LGR6: variants seen among roughly 807,000 people sequenced by gnomAD.
The protein encoded by LGR6 is leucine-rich repeat-containing G protein-coupled receptor 6.
A neutral mutation model predicts 69.4 loss-of-function variants in LGR6; 45 were observed. The observed-to-expected ratio is 0.65, with a 90% CI of 0.51 to 0.83. The LOEUF (loss-of-function observed/expected upper bound fraction) is 0.83. LGR6 is among the 40% of genes least tolerant of loss of function. The pLI, the probability that LGR6 is intolerant of heterozygous loss-of-function variation, is 0.00. For missense variants in LGR6, 1,108 were observed against 1,246.7 expected (o/e 0.89, Z 1.68); for synonymous variants, 538 against 555.0 (o/e 0.97, Z 0.43).
At chr1:202,197,343 G>A (rs1309190752) in intron 1 of LGR6, 6 of 521,332 alleles carry the variant, frequency 1.2e-5, no homozygotes, top group East Asian at 1.1e-4. Flanking sequence ...ACCACTTTTG[G>A]GCTCAATGCC....
chr1:202,228,141 T>C, intron 3 of LGR6, 134 bp downstream of exon 3: 1 of 610,856 alleles, frequency 1.6e-6, no homozygotes. Context: ...TCAGTTTCAA[T>C]TGTTATTTCC....
intron 3 of LGR6, among the ~76,000 whole-genome samples, chr1:202,229,705 G>A (rs1013789972): frequency 6.6e-6 from 1 of 152,222 alleles, no homozygotes; most frequent in Non-Finnish European, 1.5e-5. Context: ...GTTGTGGGCA[G>A]AAGTTGAGTG....
chr1:202,198,564 A>G (rs1294031957), intron 1 of LGR6, among the ~76,000 whole-genome samples: 2 of 151,974 alleles, frequency 1.3e-5, no homozygotes, highest in African/African-American at 4.8e-5. Context: ...GTCCTGTTCT[A>G]TGAAAGGCAT....
chr1:202,211,197 T>C (rs1659450077), intron 1 of LGR6, among the ~76,000 whole-genome samples: 1 of 152,162 alleles, frequency 6.6e-6, no homozygotes, highest in South Asian at 2.1e-4. Flanking sequence ...TGCCAGAGCC[T>C]GGGGAAAGTG....
At chr1:202,222,726 T>G (rs74136764) in intron 1 of LGR6, among the ~76,000 whole-genome samples, 1,720 of 152,262 alleles carry the variant, frequency 0.011, 34 homozygotes, top group African/African-American at 0.039. Flanking sequence ...CACTGTCCAG[T>G]GTGCTCCTGC....
rs117211097 is a variant in LGR6, at chr1:202,272,860, G to C, written c.429-3446G>C. 7.9e-4 allele frequency among the ~76,000 whole-genome samples: 120 copies of C among 152,300 alleles called. No individual in the cohort carries two copies. In the East Asian group the frequency reaches 0.022, roughly 28 times the overall value. Reference sequence around the variant, plus strand: ...ATAAGTTTTCCCCTTGCCCTGCCCTGACCCACTTCCTGCCTGCCTCCTAGC... The same window carrying C: ...ATAAGTTTTCCCCTTGCCCTGCCCTCACCCACTTCCTGCCTGCCTCCTAGC... On this transcript the variant is annotated intron_variant, in intron 4 of 17. Transcript: ENST00000367278.
At chr1:202,213,532 A>G (rs1172731689) in intron 1 of LGR6, among the ~76,000 whole-genome samples, 1 of 152,074 alleles carries the variant, frequency 6.6e-6, no homozygotes, top group Non-Finnish European at 1.5e-5. Flanking sequence ...GCTGCCTCCT[A>G]AGGGCAGGGC....
At position 202,222,444 on chromosome 1, in the gene LGR6, C is replaced by A. The variant is rs536214719; in HGVS notation, c.213-2979C>A. On this transcript the variant is annotated intron_variant, in intron 1 of 17. Coordinates refer to ENST00000367278, the MANE Select transcript of LGR6 (RefSeq NM_001017403.2). ...TGGGGTGGGGGCCATGGAGGGACATCAGAGGCTCTGCGGCCCGGCCCCTGG... is the reference window on the plus strand; with the variant it reads ...TGGGGTGGGGGCCATGGAGGGACATAAGAGGCTCTGCGGCCCGGCCCCTGG... Among the ~76,000 whole-genome samples, 20 of 152,242 alleles carry A rather than the reference C, an allele frequency of 1.3e-4. No homozygotes were observed. The South Asian group carries it at 4.1e-3, about 32-fold the overall frequency.
chr1:202,277,239 A>G (rs1665636695), intron 5 of LGR6, among the ~76,000 whole-genome samples: 1 of 152,194 alleles, frequency 6.6e-6, no homozygotes, highest in Non-Finnish European at 1.5e-5. Flanking sequence ...ACTGGATGGT[A>G]ACATTGCCCC....
chr1:202,303,199 G>A (rs1667733185), intron 9 of LGR6, 80 bp from the exon 10 acceptor site: 1 of 1,094,280 alleles, frequency 9.1e-7, no homozygotes, highest in African/African-American at 1.5e-5. Flanking sequence ...TCCCGGAGGG[G>A]AGACAAAATG....
chr1:202,222,153 C>T (rs1027533496), intron 1 of LGR6, among the ~76,000 whole-genome samples: 28 of 152,356 alleles, frequency 1.8e-4, no homozygotes, highest in Admixed American at 1.3e-3. Flanking sequence ...CAGCTCTGCA[C>T]GCTCCTCTTC....
intron 5 of LGR6, among the ~76,000 whole-genome samples, chr1:202,279,618 C>G (rs1354641640): frequency 6.6e-6 from 1 of 152,174 alleles, no homozygotes; most frequent in Non-Finnish European, 1.5e-5. Flanking sequence ...TTAGAGATTT[C>G]TTTTGTGTTA....
At chr1:202,194,318 G>T (rs1658550736) in intron 1 of LGR6, 117 bp downstream of exon 1, 2 of 680,976 alleles carry the variant, frequency 2.9e-6, no homozygotes, top group East Asian at 3.1e-5. Context: ...TCCCGGAGAG[G>T]GTTTGCCCCC....
chr1:202,309,590 C>T (rs769089555), intron 15 of LGR6, among the ~76,000 whole-genome samples: 3 of 152,254 alleles, frequency 2.0e-5, no homozygotes, highest in South Asian at 2.1e-4. Context: ...GCAGCCAGGC[C>T]GTGGTGCTAA....
intron 1 of LGR6, among the ~76,000 whole-genome samples, chr1:202,222,734 T>A (rs1158146132): frequency 1.3e-5 from 2 of 152,202 alleles, no homozygotes. Context: ...AGTGTGCTCC[T>A]GCACCTTCGC....
chr1:202,283,012 A>G (rs1270327893), intron 6 of LGR6, among the ~76,000 whole-genome samples: 1 of 152,260 alleles, frequency 6.6e-6, no homozygotes, highest in Non-Finnish European at 1.5e-5. Flanking sequence ...CCTTGGTAAA[A>G]TCATTTGCCT....
intron 12 of LGR6, among the ~76,000 whole-genome samples, chr1:202,306,229 C>T (rs1653174606): frequency 6.6e-6 from 1 of 152,194 alleles, no homozygotes; most frequent in South Asian, 2.1e-4. Context: ...GAAGAACAAG[C>T]CTGGGATTCA....
intron 1 of LGR6, among the ~76,000 whole-genome samples, chr1:202,199,655 C>T (rs1339555420): frequency 6.7e-6 from 1 of 150,280 alleles, no homozygotes; most frequent in East Asian, 2.0e-4. Context: ...CCTGCACTGA[C>T]CCACGCCCCC....
intron 6 of LGR6, among the ~76,000 whole-genome samples, chr1:202,282,628 A>G (rs1315574521): frequency 6.6e-6 from 1 of 152,042 alleles, no homozygotes; most frequent in Non-Finnish European, 1.5e-5. Flanking sequence ...TGAACCCTGG[A>G]GTGTGGGCGC....
Sources: allele counts gnomAD v4.1 joint callset (sites outside exome capture counted in the v4.1 genomes callset), GRCh38; gene constraint gnomAD v4.1.1; transcripts MANE v1.5; gene names NCBI Gene and HGNC (gene_info 2026-07-23, HGNC 2026-07-21).